Variants in MED27 observed in about 807,000 individuals in gnomAD.
The protein encoded by MED27 is mediator of RNA polymerase II transcription subunit 27.
Under a neutral mutation model 38.2 loss-of-function variants are expected in MED27, and 30 were observed. The ratio of observed to expected loss-of-function variants is 0.79; its 90% CI spans 0.59 to 1.07. The LOEUF (loss-of-function observed/expected upper bound fraction) is 1.07. MED27 is among the 50% of genes least tolerant of loss of function. The probability of loss-of-function intolerance (pLI) is 0.00; values close to 1 mark genes in which losing one functional copy is unlikely to be tolerated. For synonymous variants in MED27, 122 were observed against 153.5 expected, an observed-to-expected ratio of 0.79 and a Z score of 1.52; for missense variants, 289 against 397.5, an observed-to-expected ratio of 0.73 and a Z score of 2.32.
chr9:131,892,778 A>G (rs1839250249), intron 5 of MED27, among the ~76,000 whole-genome samples: 1 of 152,138 alleles, frequency 6.6e-6, no homozygotes, highest in Non-Finnish European at 1.5e-5. Flanking sequence ...AGACGCACAG[A>G]CTACACCTGA....
chr9:131,863,556 A>G lies in MED27; in HGVS notation c.724-416T>C, dbSNP rs1838687612. On this transcript the variant is annotated intron_variant, in intron 6 of 7. Coordinates refer to ENST00000292035, the MANE Select transcript of MED27 (RefSeq NM_004269.4). ...ACGCACACTTCCTCTTCCTCCTGCG[A>G]TGGTTTTCCCAACAGGGCAATTGGT... Among the ~76,000 whole-genome samples the G allele has an allele frequency of 2.0e-5, 3 of 152,212 alleles. No homozygotes were observed. The South Asian group carries it at 6.2e-4, about 32-fold the overall frequency.
At chr9:131,869,735 C>A (rs904891803) in intron 6 of MED27, among the ~76,000 whole-genome samples, 8 of 152,132 alleles carry the variant, frequency 5.3e-5, no homozygotes, top group African/African-American at 1.9e-4. Flanking sequence ...CAAAGAGGGG[C>A]AGAGGGTGAT....
chr9:132,068,317 G>A (rs1022945670), intron 2 of MED27, among the ~76,000 whole-genome samples: 7 of 152,156 alleles, frequency 4.6e-5, no homozygotes, highest in East Asian at 1.9e-4. Context: ...TCGGGCTCCC[G>A]TGTACTATTA....
In MED27 at chr9:131,893,977, C is replaced by T. The variant is rs146002106; in HGVS notation, c.589G>A (p.Val197Met). ...CGCATGACGACGATCACTTTCAACACCTTTCCCAAGGTCACCTGCCAAAAC... is the reference window on the plus strand; with the variant it reads ...CGCATGACGACGATCACTTTCAACATCTTTCCCAAGGTCACCTGCCAAAAC... ...SAMLLVTLGKVLKVIVVMRSL... is the reference protein window; with the variant it reads ...SAMLLVTLGKMLKVIVVMRSL... Residue 197 changes from valine (V) to methionine (M), a missense_variant, in exon 5 of 8, where the codon GTG becomes ATG. By Grantham distance (21) the Val-to-Met change is conservative. Transcript: ENST00000292035. 5 of 1,614,044 alleles carry T rather than the reference C, an allele frequency of 3.1e-6. No homozygotes were observed. The African/African-American group carries it at 6.7e-5, about 22-fold the overall frequency.
At chr9:132,004,263 G>T (rs1287720470) in intron 3 of MED27, among the ~76,000 whole-genome samples, 2 of 152,208 alleles carry the variant, frequency 1.3e-5, no homozygotes, top group Non-Finnish European at 2.9e-5. Context: ...CATAACGACA[G>T]AGAGCATTTA....
chr9:131,999,528 T>C lies in MED27; in HGVS notation c.479+14809A>G, dbSNP rs186965287. ...TTCTTCTGGATCCAAAAGGCCTCTTTGCTGGTCCCCAAGGTACATTGCAAG... is the reference window on the plus strand; with the variant it reads ...TTCTTCTGGATCCAAAAGGCCTCTTCGCTGGTCCCCAAGGTACATTGCAAG... On this transcript the variant is annotated intron_variant, in intron 3 of 7. Coordinates refer to ENST00000292035, the MANE Select transcript of MED27 (RefSeq NM_004269.4). 2.7e-4 allele frequency among the ~76,000 whole-genome samples: 41 copies of C among 152,310 alleles called. 2 individuals carry two copies. The highest frequency in any genetic ancestry group is 2.6e-3 in the Admixed American group (40 of 15,304).
chr9:132,077,690 G>T, intron 1 of MED27, 104 bp from the exon 2 acceptor site: 1 of 1,179,594 alleles, frequency 8.5e-7, no homozygotes, highest in Non-Finnish European at 1.2e-6. Flanking sequence ...TCCATCAGAA[G>T]TCCCTTAAGA....
Position 131,864,739 on chromosome 9 carries a change from C to T in MED27, c.724-1599G>A, listed in dbSNP as rs568689899. On this transcript the variant is annotated intron_variant, in intron 6 of 7. Transcript: ENST00000292035. ...GAGGCTGCCCCACAAAACGTGAGGA[C>T]GCCGGCTCTGCAGCCAGGCAAGCCG... Among the ~76,000 whole-genome samples, 256 of 152,388 alleles carry T rather than the reference C, an allele frequency of 1.7e-3. 2 individuals are homozygous for T. The highest frequency in any genetic ancestry group is 5.7e-3 in the African/African-American group (237 of 41,604).
In MED27 at chr9:131,894,078, A is replaced by G. The variant is rs536774519; in HGVS notation, c.574-86T>C. The G allele has an allele frequency of 3.2e-6, 3 of 928,662 alleles. 1 individual carries two copies. The African/African-American group carries it at 4.8e-5, about 15-fold the overall frequency. The allele number at this position is 928,662 out of a possible 1,614,324, so 57.5% of individuals were successfully genotyped here. On this transcript the variant is annotated intron_variant, in intron 4 of 7. Transcript: ENST00000292035. ...TGTGAGAAGAAATGACCACCTGGCC[A>G]ATCCAGTGAGACTGGATTCATGGTG...
chr9:131,868,101 C>A (rs1471776987), intron 6 of MED27, among the ~76,000 whole-genome samples: 2 of 152,196 alleles, frequency 1.3e-5, no homozygotes, highest in African/African-American at 2.4e-5. Flanking sequence ...AGGGTTTTCA[C>A]AACGGGTGCT....
chr9:131,983,547 T>C (rs911119812), intron 3 of MED27, among the ~76,000 whole-genome samples: 2 of 152,222 alleles, frequency 1.3e-5, no homozygotes, highest in East Asian at 1.9e-4. Flanking sequence ...TATTACTATA[T>C]TAAACCTAGT....
chr9:131,907,586 C>T (rs542874566), intron 4 of MED27, among the ~76,000 whole-genome samples: 70 of 152,282 alleles, frequency 4.6e-4, no homozygotes, highest in African/African-American at 1.5e-3. Context: ...ACCTCCCAGC[C>T]GCCTGCCTTG....
At chr9:132,032,719 C>T (rs1832990121) in intron 2 of MED27, among the ~76,000 whole-genome samples, 1 of 152,142 alleles carries the variant, frequency 6.6e-6, no homozygotes, top group African/African-American at 2.4e-5. Flanking sequence ...CACAGATCAC[C>T]AGGGCCCACT....
At chr9:132,072,688 G>A (rs191227450) in intron 2 of MED27, among the ~76,000 whole-genome samples, 196 of 152,188 alleles carry the variant, frequency 1.3e-3, no homozygotes, top group Middle Eastern at 3.4e-3. Context: ...TTAGATTTAG[G>A]TGAAAGAACA....
intron 4 of MED27, among the ~76,000 whole-genome samples, chr9:131,900,308 G>A (rs1044545975): frequency 6.6e-6 from 1 of 152,216 alleles, no homozygotes; most frequent in African/African-American, 2.4e-5. Context: ...TCCAGCAATC[G>A]CCTGCCAAGC....
chr9:131,935,867 T>C (rs928596525), intron 4 of MED27, among the ~76,000 whole-genome samples: 3 of 152,016 alleles, frequency 2.0e-5, no homozygotes, highest in Admixed American at 1.3e-4. Flanking sequence ...AAGAAAAAAT[T>C]GGCCAGGTAC....
In MED27 at chr9:131,889,611, C is replaced by G. The variant is rs1303444698; in HGVS notation, c.681+4274G>C. ...GCATTGCAGGTAAAGAGACAGGATG[C>G]TAGGGTCATGGCGGTGGTTGTTAGA... On this transcript the variant is annotated intron_variant, in intron 5 of 7. Coordinates refer to ENST00000292035, the MANE Select transcript of MED27 (RefSeq NM_004269.4). The surrounding 1 kb of genome is among the most constrained non-coding windows in gnomAD (Gnocchi z 4.2). Among the ~76,000 whole-genome samples the G allele has an allele frequency of 3.3e-5, 5 of 152,070 alleles. No individual in the cohort carries two copies. Among genetic ancestry groups the G allele is most frequent in the African/African-American group, 1.2e-4 (5 of 41,390 alleles).
At chr9:131,989,321 T>C (rs1488531606) in intron 3 of MED27, among the ~76,000 whole-genome samples, 1 of 152,160 alleles carries the variant, frequency 6.6e-6, no homozygotes, top group Non-Finnish European at 1.5e-5. Context: ...GGTTCTAATA[T>C]TTTGCCTAGA....
intron 3 of MED27, among the ~76,000 whole-genome samples, chr9:131,984,861 T>A (rs1589249877): frequency 6.6e-6 from 1 of 152,162 alleles, no homozygotes; most frequent in Non-Finnish European, 1.5e-5. Context: ...TCTGTCCTTA[T>A]AAAGCTTCTC....
Sources: allele counts gnomAD v4.1 joint callset (sites outside exome capture counted in the v4.1 genomes callset), GRCh38; gene constraint gnomAD v4.1.1; non-coding constraint Gnocchi (gnomAD v3.1); transcripts MANE v1.5; gene names NCBI Gene and HGNC (gene_info 2026-07-23, HGNC 2026-07-21).